WDFY4: variants seen among roughly 807,000 people sequenced by gnomAD.
WDFY4 encodes WD repeat- and FYVE domain-containing protein 4.
Under a neutral mutation model 351.9 loss-of-function variants are expected in WDFY4, and 169 were observed. The ratio of observed to expected loss-of-function variants is 0.48; its 90% CI spans 0.42 to 0.55. The LOEUF (loss-of-function observed/expected upper bound fraction) is 0.55. WDFY4 is among the 20% of genes least tolerant of loss of function. The pLI is 0.00. For synonymous variants in WDFY4, 1,622 were observed against 1,574.6 expected, an observed-to-expected ratio of 1.03 and a Z score of -0.71; for missense variants, 3,803 against 3,935.6, an observed-to-expected ratio of 0.97 and a Z score of 0.90.
At chr10:48,956,074 C>A (rs1315395306) in intron 51 of WDFY4, among the ~76,000 whole-genome samples, 1 of 152,222 alleles carries the variant, frequency 6.6e-6, no homozygotes, top group Non-Finnish European at 1.5e-5. Flanking sequence ...TTTCTCTAAC[C>A]AGGACCTGGA....
chr10:48,790,666 G>C, intron 22 of WDFY4, 61 bp from the exon 23 acceptor site: 1 of 1,518,736 alleles, frequency 6.6e-7, no homozygotes, highest in Non-Finnish European at 8.9e-7. Flanking sequence ...TGCTGTCGGG[G>C]AATTTCCCAT....
At chr10:48,846,898 CT>C (rs1564412876) in intron 39 of WDFY4, among the ~76,000 whole-genome samples, 1 of 152,150 alleles carries the variant, frequency 6.6e-6, no homozygotes, top group African/African-American at 2.4e-5. Flanking sequence ...CCTTTTTGCT[CT>C]TCATAAAGCC....
chr10:48,711,738 G>A (rs902833029), intron 2 of WDFY4, among the ~76,000 whole-genome samples: 8 of 152,174 alleles, frequency 5.3e-5, no homozygotes, highest in African/African-American at 1.9e-4. Context: ...GGTGAGTGTG[G>A]CCCAGAGCAG....
At chr10:48,903,280 T>C (rs1326484272) in intron 47 of WDFY4, among the ~76,000 whole-genome samples, 3 of 152,148 alleles carry the variant, frequency 2.0e-5, no homozygotes, top group Non-Finnish European at 4.4e-5. Flanking sequence ...CATGTCGGTT[T>C]TTATTCCAAA....
intron 25 of WDFY4, among the ~76,000 whole-genome samples, chr10:48,803,799 A>C (rs2067162403): frequency 1.3e-5 from 2 of 152,222 alleles, no homozygotes; most frequent in Admixed American, 1.3e-4. Context: ...GTAAAGAGGG[A>C]CTTCGTTGGC....
intron 39 of WDFY4, among the ~76,000 whole-genome samples, chr10:48,855,290 C>A (rs950969283): frequency 1.3e-5 from 2 of 152,082 alleles, no homozygotes; most frequent in East Asian, 1.9e-4. Flanking sequence ...CAGTAGCATC[C>A]CTGACTCCAT....
chr10:48,796,564 G>T, intron 24 of WDFY4, 114 bp downstream of exon 24: 2 of 1,406,252 alleles, frequency 1.4e-6, no homozygotes, highest in Non-Finnish European at 1.9e-6. Flanking sequence ...CATGATGGTA[G>T]GGAGAGGGAA....
At chr10:48,724,758 T>C (rs1435828864) in intron 5 of WDFY4, among the ~76,000 whole-genome samples, 1 of 151,878 alleles carries the variant, frequency 6.6e-6, no homozygotes, top group African/African-American at 2.4e-5. Context: ...CTTTGAGAGG[T>C]GACAGAAGGA....
intron 43 of WDFY4, 110 bp from the exon 44 acceptor site, chr10:48,890,469 T>C (rs2070647220): frequency 7.5e-7 from 1 of 1,337,338 alleles, no homozygotes; most frequent in Non-Finnish European, 1.0e-6. Flanking sequence ...AAGGCACTGC[T>C]CTCACCTCCA....
chr10:48,782,230 C>T (rs1008706446), intron 19 of WDFY4, among the ~76,000 whole-genome samples: 11 of 152,224 alleles, frequency 7.2e-5, no homozygotes, highest in Non-Finnish European at 1.5e-5. Context: ...TTGTTTTTAT[C>T]TGTTTAGGCT....
intron 12 of WDFY4, among the ~76,000 whole-genome samples, chr10:48,750,590 C>T (rs2065152908): frequency 6.6e-6 from 1 of 152,254 alleles, no homozygotes; most frequent in Non-Finnish European, 1.5e-5. Context: ...CCTCACATTT[C>T]CTCAGCACCC....
chr10:48,840,957 T>G (rs1276071664), intron 39 of WDFY4, among the ~76,000 whole-genome samples: 3 of 152,226 alleles, frequency 2.0e-5, no homozygotes, highest in Non-Finnish European at 2.9e-5. Flanking sequence ...CATCACTAAT[T>G]ATCTAATTAA....
At chr10:48,932,449 A>C (rs1840072671) in intron 47 of WDFY4, 1 of 152,236 alleles carries the variant, frequency 6.6e-6, no homozygotes, top group African/African-American at 2.4e-5. Context: ...GAGATGTAAT[A>C]ATAGCTACTT....
intron 15 of WDFY4, 91 bp downstream of exon 15, chr10:48,775,897 G>A: frequency 2.5e-6 from 3 of 1,220,394 alleles, no homozygotes; most frequent in South Asian, 1.3e-5. Flanking sequence ...AGGTGGGAAA[G>A]CAAACAGGTT....
At chr10:48,963,821 C>T (rs1841965074) in intron 53 of WDFY4, 21 bp from the exon 54 acceptor site, 12 of 1,550,804 alleles carry the variant, frequency 7.7e-6, no homozygotes, top group South Asian at 3.6e-5. Flanking sequence ...GGTTTTAATG[C>T]TCTTTGGGTT....
chr10:48,844,180 T>G (rs1270062720), intron 39 of WDFY4, among the ~76,000 whole-genome samples: 1 of 152,250 alleles, frequency 6.6e-6, no homozygotes, highest in African/African-American at 2.4e-5. Flanking sequence ...CAGGAAGTTC[T>G]GAAATTTTCT....
intron 51 of WDFY4, among the ~76,000 whole-genome samples, chr10:48,956,294 G>T (rs1297524888): frequency 6.6e-6 from 1 of 152,198 alleles, no homozygotes; most frequent in Non-Finnish European, 1.5e-5. Context: ...CCTGGCAGAG[G>T]CTGTGGACAT....
chr10:48,950,638 T>C (rs1841278040), intron 51 of WDFY4, among the ~76,000 whole-genome samples: 1 of 152,078 alleles, frequency 6.6e-6, no homozygotes, highest in African/African-American at 2.4e-5. Context: ...AAAACACTCA[T>C]GGTAAATAAA....
At chr10:48,802,099 G>A (rs2067106095) in intron 24 of WDFY4, among the ~76,000 whole-genome samples, 1 of 151,846 alleles carries the variant, frequency 6.6e-6, no homozygotes, top group South Asian at 2.1e-4. Context: ...AATAGGCCGG[G>A]TACGGTGGCT....
Sources: gnomAD v4.1 joint callset for allele counts (sites outside exome capture counted in the v4.1 genomes callset) on GRCh38, gnomAD v4.1.1 for gene constraint, MANE v1.5 for transcripts, NCBI Gene and HGNC (gene_info 2026-07-23, HGNC 2026-07-21) for gene names.